COL12A1: variants seen among roughly 807,000 people sequenced by gnomAD.
COL12A1 encodes collagen alpha-1(XII) chain.
Under a neutral mutation model 349.7 loss-of-function variants are expected in COL12A1, and 114 were observed. The ratio of observed to expected loss-of-function variants is 0.33; its 90% CI spans 0.28 to 0.38. The LOEUF is 0.38. COL12A1 is among the 10% of genes least tolerant of loss of function. The probability of loss-of-function intolerance (pLI) is 1.00; values close to 1 mark genes in which losing one functional copy is unlikely to be tolerated. For missense variants in COL12A1, 3,284 were observed against 3,756.9 expected (o/e 0.87, Z 3.29); for synonymous variants, 1,369 against 1,329.0 (o/e 1.03, Z -0.66).
At chr6:75,152,935 C>A (rs2149418618) in intron 17 of COL12A1, among the ~76,000 whole-genome samples, 1 of 152,082 alleles carries the variant, frequency 6.6e-6, no homozygotes, top group East Asian at 1.9e-4. Flanking sequence ...ATGGTCATAG[C>A]AGACAAGAAT....
chr6:75,174,338 C>T (rs985564671), intron 13 of COL12A1, among the ~76,000 whole-genome samples: 3 of 152,098 alleles, frequency 2.0e-5, no homozygotes, highest in South Asian at 2.1e-4. Flanking sequence ...GGGCGGATCA[C>T]GAGGTCAGGA....
intron 23 of COL12A1, 73 bp downstream of exon 23, chr6:75,147,602 T>C (rs1582131478): frequency 7.3e-7 from 1 of 1,371,606 alleles, no homozygotes; most frequent in East Asian, 2.4e-5. Context: ...ATTTGGAAGG[T>C]AGGCAAAAAT....
Position 75,194,825 on chromosome 6 carries a change from A to T in COL12A1, c.190+6T>A. The stretch of plus-strand genomic sequence containing the variant: ...TCTGTCCTAAAACCCCAGTCTCAAA[A>T]CTTACCCGTTGTAGGGTCCACCGTT... On this transcript the variant is annotated splice_donor_region_variant and intron_variant, in intron 3 of 65. Transcript: ENST00000322507. 1 of 1,586,328 alleles carries T rather than the reference A, an allele frequency of 6.3e-7. No individual in the cohort carries two copies. The highest frequency in any genetic ancestry group is 1.3e-5 in the African/African-American group (1 of 74,094).
At chr6:75,136,671 A>G (rs240733) in intron 31 of COL12A1, among the ~76,000 whole-genome samples, 46,470 of 152,094 alleles carry the variant, frequency 0.31, 7,199 homozygotes, top group African/African-American at 0.38. Flanking sequence ...CTGGAGATTT[A>G]TTTTGAAATG....
chr6:75,138,720 A>G (rs1766748860), intron 28 of COL12A1, 102 bp downstream of exon 28: 1 of 1,565,846 alleles, frequency 6.4e-7, no homozygotes, highest in Non-Finnish European at 8.7e-7. Flanking sequence ...AAATGTCAAT[A>G]AATGCTTATT....
At chr6:75,106,639 T>C in intron 52 of COL12A1, 143 bp from the exon 53 acceptor site, 1 of 688,494 alleles carries the variant, frequency 1.5e-6, no homozygotes, top group African/African-American at 1.8e-5. Context: ...CCTTACTTCA[T>C]GAGGAAAGAC....
chr6:75,140,757 G>C (rs2149399379), intron 27 of COL12A1, among the ~76,000 whole-genome samples: 1 of 152,058 alleles, frequency 6.6e-6, no homozygotes, highest in East Asian at 1.9e-4. Flanking sequence ...TGAGCCTTTG[G>C]TGAGGAATTT....
chr6:75,192,483 A>G, intron 3 of COL12A1, 128 bp from the exon 4 acceptor site: 1 of 799,634 alleles, frequency 1.3e-6, no homozygotes, highest in Non-Finnish European at 1.9e-6. Context: ...AGGACACTCA[A>G]ACATTATTTT....
chr6:75,085,359 T>C lies in COL12A1; in HGVS notation c.*1188A>G. ...CAGGTAGGCCCCGCCCTCGGGCACG[T>C]AAGGCTCTGTCCGATTCAACATTAC... On this transcript the variant is annotated 3_prime_UTR_variant, in exon 66 of 66. Transcript: ENST00000322507. 1 of 470,930 alleles carries C rather than the reference T, an allele frequency of 2.1e-6. No individual in the cohort carries two copies. Among genetic ancestry groups the C allele is most frequent in the Non-Finnish European group, 4.4e-6 (1 of 227,014 alleles). The allele number at this position is 470,930 out of a possible 1,614,324, so 29.2% of individuals were successfully genotyped here.
chr6:75,130,678 C>G (rs1036265708), intron 36 of COL12A1, among the ~76,000 whole-genome samples, 174 bp downstream of exon 36: 1 of 152,070 alleles, frequency 6.6e-6, no homozygotes, highest in Non-Finnish European at 1.5e-5. Context: ...AAGAAGTTCA[C>G]GTCACACAAA....
chr6:75,095,623 CAAAAAAAAAAAAAA>C (rs58205028), intron 59 of COL12A1, among the ~76,000 whole-genome samples: 4 of 102,092 alleles, frequency 3.9e-5, no homozygotes, highest in Non-Finnish European at 5.9e-5. Context: ...GACTCCGTCT[CAAAAAAAAAAAAAA>C]AAAAAAAAAA....
At chr6:75,141,489 A>C (rs953066837) in intron 27 of COL12A1, among the ~76,000 whole-genome samples, 1 of 152,218 alleles carries the variant, frequency 6.6e-6, no homozygotes, top group African/African-American at 2.4e-5. Flanking sequence ...CTCCACTTAC[A>C]GTGCAGTCGC....
chr6:75,085,834 CTG>C lies in COL12A1; in HGVS notation c.*711_*712del, dbSNP rs1434802879. 1 of 156,144 alleles carries C rather than the reference CTG, an allele frequency of 6.4e-6. No individual in the cohort carries two copies. The highest frequency in any genetic ancestry group is 1.4e-5 in the Non-Finnish European group (1 of 70,060). The allele number at this position is 156,144 out of a possible 1,614,324, so 9.7% of individuals were successfully genotyped here. ...ATACAGTACATGACATCTTCTGTGG[CTG>C]TACCTCACACAAACTGAGTTACAGC... On this transcript the variant is annotated 3_prime_UTR_variant, in exon 66 of 66. Coordinates refer to ENST00000322507, the MANE Select transcript of COL12A1 (RefSeq NM_004370.6).
intron 51 of COL12A1, among the ~76,000 whole-genome samples, chr6:75,112,559 G>T (rs1407764915): frequency 6.6e-6 from 1 of 151,410 alleles, no homozygotes; most frequent in African/African-American, 2.4e-5. Flanking sequence ...ACAGAAAATT[G>T]ATTAAGATGA....
intron 56 of COL12A1, 96 bp from the exon 57 acceptor site, chr6:75,102,148 T>C (rs893615019): frequency 1.6e-6 from 2 of 1,219,726 alleles, no homozygotes; most frequent in Non-Finnish European, 1.2e-6. Context: ...CATCACTTCA[T>C]AAATCCAGTG....
intron 2 of COL12A1, among the ~76,000 whole-genome samples, chr6:75,200,285 G>A (rs1000878135): frequency 3.3e-5 from 5 of 152,148 alleles, no homozygotes; most frequent in African/African-American, 1.2e-4. Context: ...CTCTTAAAAT[G>A]TGGCCAGTAC....
At chr6:75,187,014 A>T (rs923029030) in intron 8 of COL12A1, among the ~76,000 whole-genome samples, 8 of 151,908 alleles carry the variant, frequency 5.3e-5, no homozygotes, top group Admixed American at 3.9e-4. Context: ...AAAATAACTA[A>T]TGGGTACTAG....
intron 17 of COL12A1, 112 bp from the exon 18 acceptor site, chr6:75,152,594 A>G (rs1767550441): frequency 1.7e-5 from 20 of 1,196,912 alleles, no homozygotes; most frequent in East Asian, 2.3e-5. Flanking sequence ...TCTCAGTACT[A>G]TGGTCTAGCT....
chr6:75,108,499 C>T (rs887028456), intron 52 of COL12A1, among the ~76,000 whole-genome samples: 5 of 152,140 alleles, frequency 3.3e-5, no homozygotes, highest in African/African-American at 9.7e-5. Context: ...CTGCCTCAAA[C>T]CTGAGATAGT....
Sources: allele counts gnomAD v4.1 joint callset (sites outside exome capture counted in the v4.1 genomes callset), GRCh38; gene constraint gnomAD v4.1.1; transcripts MANE v1.5; gene names NCBI Gene and HGNC (gene_info 2026-07-23, HGNC 2026-07-21).